The following SCAP variants were observed in gnomAD, a reference collection of about 807,000 sequenced individuals.
SCAP encodes the protein sterol regulatory element-binding protein cleavage-activating protein.
In SCAP, 65 loss-of-function variants were observed where a neutral mutation model predicts 123.6. The ratio of observed to expected loss-of-function variants is 0.53; its 90% CI spans 0.43 to 0.65. The LOEUF (loss-of-function observed/expected upper bound fraction) is 0.65, where lower values mean the gene tolerates loss of function less well. Ranked by LOEUF, SCAP falls within the 30% of genes least tolerant of loss-of-function variation. SCAP has a pLI of 0.00. For synonymous variants in SCAP, 740 were observed against 726.3 expected (o/e 1.02, Z -0.30); for missense variants, 1,398 against 1,712.5 (o/e 0.82, Z 3.24).
chr3:47,442,769 G>T, intron 2 of SCAP, 103 bp downstream of exon 2: 2 of 1,025,248 alleles, frequency 2.0e-6, no homozygotes, highest in Non-Finnish European at 3.0e-6. Flanking sequence ...CTCCCATTGT[G>T]TAAAAAGCAT....
intron 1 of SCAP, among the ~76,000 whole-genome samples, chr3:47,459,467 G>A (rs765843524): frequency 2.0e-5 from 3 of 152,110 alleles, no homozygotes; most frequent in Non-Finnish European, 2.9e-5. Flanking sequence ...TCTATTTTCC[G>A]TAAGTGTCGG....
At chr3:47,440,824 C>A (rs1416880595) in intron 2 of SCAP, among the ~76,000 whole-genome samples, 2 of 152,078 alleles carry the variant, frequency 1.3e-5, no homozygotes, top group Admixed American at 6.5e-5. Flanking sequence ...TGCACCACTG[C>A]ACTCCAGCCT....
At position 47,433,125 on chromosome 3, in the gene SCAP, A is replaced by G. The variant is rs201544029; in HGVS notation, c.252+1883T>C. ...TATATCGTGCTTAAGTCAGCCCTGCACCTGGCTGAGTTATATGAACCAAAA... is the reference window on the plus strand; with the variant it reads ...TATATCGTGCTTAAGTCAGCCCTGCGCCTGGCTGAGTTATATGAACCAAAA... On this transcript the variant is annotated intron_variant, in intron 3 of 22. Coordinates refer to ENST00000265565, the MANE Select transcript of SCAP (RefSeq NM_012235.4). Among the ~76,000 whole-genome samples the G allele has an allele frequency of 5.3e-5, 8 of 152,312 alleles. No homozygotes were observed. In the East Asian group the frequency reaches 1.5e-3, roughly 29 times the overall value.
chr3:47,472,412 G>T (rs1372831133), intron 1 of SCAP, among the ~76,000 whole-genome samples: 1 of 149,374 alleles, frequency 6.7e-6, no homozygotes, highest in Non-Finnish European at 1.5e-5. Flanking sequence ...CCGCAGTCCG[G>T]CCTGGGCGAC....
chr3:47,443,266 ACACACACACACTCTCTCT>A (rs1473657316), intron 1 of SCAP, 175 bp from the exon 2 acceptor site: 16 of 196,818 alleles, frequency 8.1e-5, no homozygotes, highest in South Asian at 7.5e-4. Context: ...ACACACACAC[ACACACACACACTCTCTCT>A]CTCTCTCTCT....
At position 47,428,515 on chromosome 3, in the gene SCAP, GTC is replaced by G; in HGVS notation, c.406_407del (p.Asp136GlnfsTer22). On this transcript the variant is annotated frameshift_variant, in exon 4 of 23. Coordinates refer to ENST00000265565, the MANE Select transcript of SCAP (RefSeq NM_012235.4). LOFTEE classifies it high-confidence loss of function. ...GCCAGGGTCCCTGAGAGGGGTACCT[GTC>G]TCTCAGCACGTGGTTCCGGATCTCC... ...VEEIRNHVLRDSSGIRSLEEL... is the reference protein window; with the variant it reads ...VEEIRNHVLRXSSGIRSLEEL... The G allele has an allele frequency of 6.2e-7, 1 of 1,614,054 alleles. No homozygotes were observed. The highest frequency in any genetic ancestry group is 8.5e-7 in the Non-Finnish European group (1 of 1,179,934).
chr3:47,429,958 A>G (rs1365626974), intron 3 of SCAP, among the ~76,000 whole-genome samples: 1 of 152,222 alleles, frequency 6.6e-6, no homozygotes, highest in African/African-American at 2.4e-5. Flanking sequence ...CAAAGGACCC[A>G]ATTTTAAATC....
At position 47,418,174 on chromosome 3, in the gene SCAP, C is replaced by T. The variant is rs1311306236; in HGVS notation, c.2407G>A (p.Ala803Thr). ...CGCGTTAGGCAATCCCCGGTCTGCG[C>T]GTCCCACACGCAGACGTGGCCTGCC... ...CLAGHVCVWD[A>T]QTGDCLTRIP... is the part of the protein sequence containing the mutation. The change falls in exon 16 of 23, where the codon GCG becomes ACG. Residue 803 changes from alanine to threonine, a missense_variant. Ala to Thr is a moderately conservative substitution (Grantham distance 58, BLOSUM62 0). Transcript: ENST00000265565. The T allele has an allele frequency of 1.3e-5, 20 of 1,573,348 alleles. No individual in the cohort carries two copies. In the African/African-American group the frequency reaches 1.4e-4, roughly 11 times the overall value.
At chr3:47,425,327 A>G (rs1218141387) in intron 8 of SCAP, 158 bp downstream of exon 8, 4 of 777,510 alleles carry the variant, frequency 5.1e-6, no homozygotes, top group Non-Finnish European at 7.9e-6. Flanking sequence ...TACAAGCCAG[A>G]CAAAGAAGAG....
At position 47,417,211 on chromosome 3, in the gene SCAP, C is replaced by G. The variant is rs754994272; in HGVS notation, c.2971-4G>C. 6.2e-7 allele frequency: 1 copy of G among 1,612,932 alleles called. No homozygotes were observed. Among genetic ancestry groups the G allele is most frequent in the African/African-American group, 1.3e-5 (1 of 75,062 alleles). ...CCCCTTCAATGGCGTCCCACACCTA[C>G]GAGTCCAGAGGCTGTGAGCACCTGC... On this transcript the variant is annotated splice_region_variant and splice_polypyrimidine_tract_variant and intron_variant, in intron 17 of 22. Coordinates refer to ENST00000265565, the MANE Select transcript of SCAP (RefSeq NM_012235.4).
chr3:47,414,757 C>T, intron 20 of SCAP, 70 bp downstream of exon 20: 2 of 1,604,156 alleles, frequency 1.2e-6, no homozygotes, highest in Non-Finnish European at 8.5e-7. Context: ...CAGCCTCTCC[C>T]TGACGAATGC....
At chr3:47,454,049 A>C (rs1007682531) in intron 1 of SCAP, among the ~76,000 whole-genome samples, 4 of 152,240 alleles carry the variant, frequency 2.6e-5, no homozygotes, top group Admixed American at 6.5e-5. Context: ...ACATCTGATA[A>C]AATTCAACCC....
At chr3:47,443,538 C>G (rs1706906731) in intron 1 of SCAP, among the ~76,000 whole-genome samples, 1 of 152,012 alleles carries the variant, frequency 6.6e-6, no homozygotes, top group Non-Finnish European at 1.5e-5. Context: ...ATAGGGATGG[C>G]CTCCTCAAAA....
At chr3:47,418,871 CG>C (rs777597143) in intron 13 of SCAP, 28 bp from the exon 14 acceptor site, 3 of 1,491,674 alleles carry the variant, frequency 2.0e-6, no homozygotes, top group Non-Finnish European at 1.8e-6. Flanking sequence ...GCAGCCTCAG[CG>C]GGGGGCCTCC....
chr3:47,428,674 C>A lies in SCAP; in HGVS notation c.253-4G>T. On this transcript the variant is annotated splice_polypyrimidine_tract_variant and splice_region_variant and intron_variant, in intron 3 of 22. Coordinates refer to ENST00000265565, the MANE Select transcript of SCAP (RefSeq NM_012235.4). ...AAGCCACCGGGGCACCCACATACTG[C>A]AGAAGAAATGAGGGAGGGCAGAAAG... The A allele has an allele frequency of 6.2e-7, 1 of 1,613,306 alleles. No individual in the cohort carries two copies. The highest frequency in any genetic ancestry group is 8.5e-7 in the Non-Finnish European group (1 of 1,179,630).
At chr3:47,454,721 C>T (rs1457645985) in intron 1 of SCAP, among the ~76,000 whole-genome samples, 1 of 151,650 alleles carries the variant, frequency 6.6e-6, no homozygotes, top group Non-Finnish European at 1.5e-5. Context: ...GCACTCCAGC[C>T]CAGATGACAG....
At chr3:47,465,283 G>A (rs1221844484) in intron 1 of SCAP, among the ~76,000 whole-genome samples, 22 of 151,784 alleles carry the variant, frequency 1.4e-4, no homozygotes. Context: ...CGATTCTCCT[G>A]TATCAGCCTC....
chr3:47,420,886 C>T lies in SCAP; in HGVS notation c.1344+45G>A. On this transcript the variant is annotated intron_variant, in intron 11 of 22. Coordinates refer to ENST00000265565, the MANE Select transcript of SCAP (RefSeq NM_012235.4). This position sits in a 1 kb window ranked among gnomAD's most constrained non-coding sequence, Gnocchi z 5.0. Reference sequence around the variant, plus strand: ...CTCACCCAGGACTCCCTCAGTACAGCCAGGGCTGAGGAGGCGGGCAGGGCA... The same window carrying T: ...CTCACCCAGGACTCCCTCAGTACAGTCAGGGCTGAGGAGGCGGGCAGGGCA... 6.3e-7 allele frequency: 1 copy of T among 1,592,824 alleles called. No homozygotes were observed. Among genetic ancestry groups the T allele is most frequent in the Non-Finnish European group, 8.6e-7 (1 of 1,161,010 alleles).
chr3:47,417,629 G>A lies in SCAP; in HGVS notation c.2645C>T (p.Ser882Leu). The change falls in exon 17 of 23, where the codon TCA (serine) becomes TTA (leucine). Residue 882 changes from serine to leucine, a missense_variant. By Grantham distance (145) the Ser-to-Leu change is moderately radical. Transcript: ENST00000265565. Reference sequence around the variant, plus strand: ...GGGCTGTGAGGACCGAGGCTGCGCTGAAAAGTTGGTGTCAATTAAGCAGGT... The same window carrying A: ...GGGCTGTGAGGACCGAGGCTGCGCTAAAAAGTTGGTGTCAATTAAGCAGGT... ...DLTCLIDTNF[S>L]AQPRSSQPTQ... is the part of the protein sequence containing the mutation. The A allele has an allele frequency of 6.2e-7, 1 of 1,608,940 alleles. No homozygotes were observed. The highest frequency in any genetic ancestry group is 8.5e-7 in the Non-Finnish European group (1 of 1,178,386).
Sources: allele counts gnomAD v4.1 joint callset (sites outside exome capture counted in the v4.1 genomes callset), GRCh38; gene constraint gnomAD v4.1.1; non-coding constraint Gnocchi (gnomAD v3.1); transcripts MANE v1.5; gene names NCBI Gene and HGNC (gene_info 2026-07-23, HGNC 2026-07-21).